The following CHD6 variants were observed in gnomAD, a reference collection of about 807,000 sequenced individuals.
The protein encoded by CHD6 is ATP-dependent chromatin remodeler CHD6.
A neutral mutation model predicts 276.9 loss-of-function variants in CHD6; 50 were observed. The observed-to-expected ratio is 0.18, with a 90% CI of 0.14 to 0.23. The LOEUF (loss-of-function observed/expected upper bound fraction) is 0.23. Ranked by LOEUF, CHD6 falls within the 10% of genes least tolerant of loss-of-function variation. CHD6 has a pLI of 1.00. For synonymous variants in CHD6, 1,173 were observed against 1,229.3 expected (o/e 0.95, Z 0.96); for missense variants, 2,564 against 3,365.8 (o/e 0.76, Z 5.89).
At chr20:41,598,255 T>A (rs2045739048) in intron 1 of CHD6, among the ~76,000 whole-genome samples, 1 of 152,118 alleles carries the variant, frequency 6.6e-6, no homozygotes, top group Admixed American at 6.5e-5. Context: ...AAAATTAGTT[T>A]CGTTGCCTCG....
chr20:41,404,662 G>A lies in CHD6; in HGVS notation c.8079C>T (p.Pro2693=), dbSNP rs749448664. Residue 2693 remains proline, a synonymous_variant, in exon 37 of 37, where the codon CCC becomes CCT. Transcript: ENST00000373233. ...ENCAEPSAPL[P]AEREHGAQAG... ...CCTGTGCCCCATGTTCTCTCTCTGCGGGCAAAGGGGCACTGGGTTCGGCAC... is the reference window on the plus strand; with the variant it reads ...CCTGTGCCCCATGTTCTCTCTCTGCAGGCAAAGGGGCACTGGGTTCGGCAC... The A allele has an allele frequency of 1.8e-5, 28 of 1,537,718 alleles. No homozygotes were observed. The highest frequency in any genetic ancestry group is 2.4e-5 in the Non-Finnish European group (27 of 1,142,064).
chr20:41,498,256 C>A, intron 6 of CHD6, 30 bp from the exon 7 acceptor site: 1 of 1,575,460 alleles, frequency 6.3e-7, no homozygotes, highest in South Asian at 1.1e-5. Context: ...GTTATCAGCC[C>A]AGATCCCAGG....
At chr20:41,518,927 T>C (rs1336602450) in intron 3 of CHD6, among the ~76,000 whole-genome samples, 1 of 152,216 alleles carries the variant, frequency 6.6e-6, no homozygotes, top group Non-Finnish European at 1.5e-5. Flanking sequence ...CAAACTGCTA[T>C]ACCTATAGAT....
chr20:41,616,780 CTTCT>C (rs1172381707), intron 1 of CHD6, among the ~76,000 whole-genome samples: 1 of 152,110 alleles, frequency 6.6e-6, no homozygotes, highest in Admixed American at 6.5e-5. Flanking sequence ...GATCTCAAAT[CTTCT>C]TTCTGTTGCC....
chr20:41,453,505 C>T (rs1291059648), intron 20 of CHD6, among the ~76,000 whole-genome samples: 1 of 152,166 alleles, frequency 6.6e-6, no homozygotes. Context: ...GGCTATGTGT[C>T]TTCTCTAGTC....
At chr20:41,546,332 G>A (rs890684430) in intron 2 of CHD6, among the ~76,000 whole-genome samples, 1 of 152,088 alleles carries the variant, frequency 6.6e-6, no homozygotes, top group Non-Finnish European at 1.5e-5. Context: ...TTGGCATGGG[G>A]TCAGGAAGCA....
intron 1 of CHD6, among the ~76,000 whole-genome samples, chr20:41,610,512 A>G (rs946863698): frequency 1.3e-5 from 2 of 152,192 alleles, no homozygotes; most frequent in East Asian, 1.9e-4. Flanking sequence ...CCGTAATCCC[A>G]GCACTTTGAG....
At chr20:41,602,014 C>T (rs1051326952) in intron 1 of CHD6, among the ~76,000 whole-genome samples, 5 of 152,194 alleles carry the variant, frequency 3.3e-5, no homozygotes, top group Non-Finnish European at 5.9e-5. Context: ...ATGAACACAA[C>T]CCAACAAAGC....
intron 3 of CHD6, among the ~76,000 whole-genome samples, chr20:41,530,760 A>G (rs773299718): frequency 2.0e-4 from 31 of 152,232 alleles, no homozygotes; most frequent in Non-Finnish European, 4.1e-4. Context: ...TCAATGTAAT[A>G]TAACTCTAAA....
chr20:41,575,358 C>G, intron 1 of CHD6, among the ~76,000 whole-genome samples: 1 of 152,028 alleles, frequency 6.6e-6, no homozygotes, highest in Non-Finnish European at 1.5e-5. Context: ...ACCTGGACAC[C>G]CTCTACCGGT....
At chr20:41,486,733 A>C (rs987098737) in intron 14 of CHD6, among the ~76,000 whole-genome samples, 6 of 152,184 alleles carry the variant, frequency 3.9e-5, no homozygotes, top group Non-Finnish European at 8.8e-5. Flanking sequence ...ACATCTTCCC[A>C]CAATATAACC....
At chr20:41,457,513 A>T in intron 17 of CHD6, 85 bp from the exon 18 acceptor site, 1 of 1,463,800 alleles carries the variant, frequency 6.8e-7, no homozygotes, top group Non-Finnish European at 9.3e-7. Context: ...CTTAAATGTC[A>T]TGTGGTGTGA....
At chr20:41,589,716 A>G (rs574052963) in intron 1 of CHD6, among the ~76,000 whole-genome samples, 1 of 152,368 alleles carries the variant, frequency 6.6e-6, no homozygotes, top group South Asian at 2.1e-4. Flanking sequence ...ACGAAATAAA[A>G]GAGGACACAA....
At chr20:41,430,556 G>A (rs560601651) in intron 27 of CHD6, among the ~76,000 whole-genome samples, 5 of 152,260 alleles carry the variant, frequency 3.3e-5, no homozygotes, top group Admixed American at 1.3e-4. Flanking sequence ...AAAGAATACC[G>A]GAATATCTAG....
chr20:41,508,229 T>C (rs1424388840), intron 5 of CHD6, among the ~76,000 whole-genome samples: 1 of 152,112 alleles, frequency 6.6e-6, no homozygotes, highest in Admixed American at 6.5e-5. Context: ...ATGATGCATA[T>C]TTAGAATGCT....
intron 1 of CHD6, among the ~76,000 whole-genome samples, chr20:41,568,230 T>C (rs1050942484): frequency 2.0e-5 from 3 of 152,186 alleles, no homozygotes; most frequent in African/African-American, 7.2e-5. Context: ...TAAACACAGA[T>C]AAAATCTTGA....
intron 3 of CHD6, among the ~76,000 whole-genome samples, chr20:41,527,306 C>T (rs1056068113): frequency 5.3e-5 from 8 of 152,088 alleles, no homozygotes; most frequent in Admixed American, 2.0e-4. Flanking sequence ...GGTGTGGTGT[C>T]CCAGCTACTC....
At chr20:41,424,698 T>C (rs2047306106) in intron 29 of CHD6, among the ~76,000 whole-genome samples, 1 of 152,238 alleles carries the variant, frequency 6.6e-6, no homozygotes, top group African/African-American at 2.4e-5. Context: ...GTAAGCCTTT[T>C]AGGGCTTAAT....
In CHD6 at chr20:41,488,697, C is replaced by T. The variant is rs1600989812; in HGVS notation, c.1681-93G>A. The T allele has an allele frequency of 4.6e-6, 5 of 1,087,448 alleles. No individual in the cohort carries two copies. The East Asian group carries it at 9.9e-5, about 22-fold the overall frequency. The allele number at this position is 1,087,448 out of a possible 1,614,324, so 67.4% of individuals were successfully genotyped here. ...ACTACAGGAGGCAGCACTACAGATG[C>T]TGGGGCCTAGGTGAGAAGACAAGCA... On this transcript the variant is annotated intron_variant, in intron 12 of 36. Coordinates refer to ENST00000373233, the MANE Select transcript of CHD6 (RefSeq NM_032221.5).
Sources: allele counts gnomAD v4.1 joint callset (sites outside exome capture counted in the v4.1 genomes callset), GRCh38; gene constraint gnomAD v4.1.1; transcripts MANE v1.5; gene names NCBI Gene and HGNC (gene_info 2026-07-23, HGNC 2026-07-21).